The following TTC7B variants were observed in gnomAD, a reference collection of about 807,000 sequenced individuals.
The protein encoded by TTC7B is tetratricopeptide repeat domain 7B.
TTC7B carries 28 observed loss-of-function variants against 106.8 expected under a neutral mutation model. That is an observed-to-expected ratio of 0.26 (90% CI 0.19 to 0.36). The LOEUF (loss-of-function observed/expected upper bound fraction) is 0.36, where lower values mean the gene tolerates loss of function less well. Ranked by LOEUF, TTC7B falls within the 10% of genes least tolerant of loss-of-function variation. The pLI is 1.00. For synonymous variants in TTC7B, 405 were observed against 430.6 expected (o/e 0.94, Z 0.74); for missense variants, 862 against 1,076.4 (o/e 0.80, Z 2.79).
At chr14:90,574,046 T>C (rs1891157662) in intron 19 of TTC7B, among the ~76,000 whole-genome samples, 1 of 152,216 alleles carries the variant, frequency 6.6e-6, no homozygotes, top group Non-Finnish European at 1.5e-5. Context: ...GTCCCTGTCC[T>C]GGTGATTTTG....
intron 1 of TTC7B, 119 bp downstream of exon 1, chr14:90,816,056 C>T: frequency 1.0e-6 from 1 of 968,310 alleles, no homozygotes; most frequent in Non-Finnish European, 1.2e-6. Flanking sequence ...TGGGCCGCAG[C>T]TCCCTCGCGG....
intron 13 of TTC7B, among the ~76,000 whole-genome samples, chr14:90,651,376 G>A (rs996052509): frequency 2.0e-5 from 3 of 152,076 alleles, no homozygotes; most frequent in African/African-American, 2.4e-5. Flanking sequence ...AAATCTCTTC[G>A]AATTTAAACT....
intron 19 of TTC7B, among the ~76,000 whole-genome samples, chr14:90,542,101 G>A (rs1382330705): frequency 3.3e-5 from 5 of 152,050 alleles, no homozygotes; most frequent in East Asian, 1.9e-4. Flanking sequence ...CACCACGCCC[G>A]GCTAATTTTT....
chr14:90,743,014 C>T (rs1344268049), intron 4 of TTC7B, among the ~76,000 whole-genome samples: 2 of 152,176 alleles, frequency 1.3e-5, no homozygotes, highest in African/African-American at 4.8e-5. Flanking sequence ...TCTCGACTGC[C>T]AAGCACGGTC....
intron 19 of TTC7B, among the ~76,000 whole-genome samples, chr14:90,558,916 G>A (rs1031261773): frequency 1.3e-5 from 2 of 152,238 alleles, no homozygotes; most frequent in African/African-American, 4.8e-5. Context: ...GACAGGCAGG[G>A]AACACTGTAG....
intron 17 of TTC7B, among the ~76,000 whole-genome samples, chr14:90,596,110 AAACATGTTTTTTTT>A (rs1162124437): frequency 6.6e-6 from 1 of 152,134 alleles, no homozygotes; most frequent in Non-Finnish European, 1.5e-5. Flanking sequence ...TTAGAAGTAA[AAACATGTTTTTTTT>A]AACATGTTTT....
In TTC7B at chr14:90,690,176, C is replaced by T. The variant is rs146332181; in HGVS notation, c.778-464G>A. On this transcript the variant is annotated intron_variant, in intron 6 of 19. Transcript: ENST00000328459. ...CTGACAATCCGATGTCCACTGTAGA[C>T]GTCTTCTTTCTTACATGTACCAATG... Among the ~76,000 whole-genome samples, 1,007 of 152,302 alleles carry T rather than the reference C, an allele frequency of 6.6e-3. 17 individuals are homozygous for T. The highest frequency in any genetic ancestry group is 0.023 in the African/African-American group (949 of 41,562).
At chr14:90,806,943 A>AC (rs1226845780) in intron 1 of TTC7B, among the ~76,000 whole-genome samples, 1 of 152,024 alleles carries the variant, frequency 6.6e-6, no homozygotes, top group Non-Finnish European at 1.5e-5. Context: ...AAGTTAAGTC[A>AC]CTCACTCACT....
chr14:90,693,295 T>TC (rs1361859073), intron 6 of TTC7B, among the ~76,000 whole-genome samples: 1 of 151,894 alleles, frequency 6.6e-6, no homozygotes, highest in Non-Finnish European at 1.5e-5. Context: ...CTAATGAACG[T>TC]CCCTAGATAG....
At chr14:90,562,494 A>T (rs1890633477) in intron 19 of TTC7B, among the ~76,000 whole-genome samples, 1 of 152,182 alleles carries the variant, frequency 6.6e-6, no homozygotes, top group Non-Finnish European at 1.5e-5. Context: ...ACATTCACTC[A>T]CTTGTTTAAA....
chr14:90,661,990 G>A (rs977245481), intron 9 of TTC7B, among the ~76,000 whole-genome samples: 17 of 152,326 alleles, frequency 1.1e-4, no homozygotes, highest in South Asian at 6.2e-4. Flanking sequence ...CTACAGGAAA[G>A]AAAAACAGCC....
chr14:90,721,397 CTTT>C (rs1406642762), intron 5 of TTC7B, among the ~76,000 whole-genome samples: 1 of 152,198 alleles, frequency 6.6e-6, no homozygotes, highest in Non-Finnish European at 1.5e-5. Context: ...GTTAGAGATT[CTTT>C]TGTTTCCACA....
chr14:90,721,136 A>T lies in TTC7B; in HGVS notation c.698+8939T>A, dbSNP rs564421975. ...GCAGGGAGGGGCCTTTGGGAGATAC[A>T]ATTAAATGCCAATCACTAACCTCCT... On this transcript the variant is annotated intron_variant, in intron 5 of 19. Coordinates refer to ENST00000328459, the MANE Select transcript of TTC7B (RefSeq NM_001010854.2). Among the ~76,000 whole-genome samples, 3 of 152,242 alleles carry T rather than the reference A, an allele frequency of 2.0e-5. No homozygotes were observed. The South Asian group carries it at 6.3e-4, about 32-fold the overall frequency.
At chr14:90,736,295 G>T (rs2139994397) in intron 4 of TTC7B, among the ~76,000 whole-genome samples, 1 of 152,106 alleles carries the variant, frequency 6.6e-6, no homozygotes, top group Non-Finnish European at 1.5e-5. Context: ...AAAAAGGGGA[G>T]GAGGTCGGGT....
At chr14:90,655,162 T>C (rs760832553) in intron 11 of TTC7B, 52 bp from the exon 12 acceptor site, 7 of 1,409,024 alleles carry the variant, frequency 5.0e-6, no homozygotes, top group Non-Finnish European at 7.0e-6. Flanking sequence ...ATTTCTAACA[T>C]GAGTTCCCAT....
chr14:90,760,594 A>C (rs1890466379), intron 3 of TTC7B, among the ~76,000 whole-genome samples: 1 of 152,234 alleles, frequency 6.6e-6, no homozygotes, highest in Non-Finnish European at 1.5e-5. Context: ...CCAAATGCTC[A>C]TGTATTTCAG....
intron 18 of TTC7B, among the ~76,000 whole-genome samples, chr14:90,584,053 G>A (rs756269523): frequency 2.6e-5 from 4 of 151,912 alleles, no homozygotes; most frequent in South Asian, 2.1e-4. Context: ...GACACCCCTC[G>A]ACCTCATCTG....
chr14:90,587,636 C>A (rs1430188450), intron 18 of TTC7B, among the ~76,000 whole-genome samples: 2 of 152,196 alleles, frequency 1.3e-5, no homozygotes, highest in Non-Finnish European at 2.9e-5. Context: ...GCACTTGGCA[C>A]AGGGAGTTAA....
intron 15 of TTC7B, among the ~76,000 whole-genome samples, chr14:90,637,413 C>G (rs372215719): frequency 7.0e-6 from 1 of 142,918 alleles, no homozygotes; most frequent in Non-Finnish European, 1.5e-5. Flanking sequence ...AACCCCCCCC[C>G]AGCCCCACAT....
Sources: gnomAD v4.1 joint callset for allele counts (sites outside exome capture counted in the v4.1 genomes callset) on GRCh38, gnomAD v4.1.1 for gene constraint, MANE v1.5 for transcripts, NCBI Gene and HGNC (gene_info 2026-07-23, HGNC 2026-07-21) for gene names.